Variants in ATXN1 observed in about 807,000 individuals in gnomAD.
ATXN1 encodes ataxin-1.
Under a neutral mutation model 56.4 loss-of-function variants are expected in ATXN1, and 8 were observed. That is an observed-to-expected ratio of 0.14 (90% CI 0.08 to 0.26). The LOEUF (loss-of-function observed/expected upper bound fraction) is 0.26. Ranked by LOEUF, ATXN1 falls within the 10% of genes least tolerant of loss-of-function variation. The pLI is 1.00. For missense variants in ATXN1, 987 were observed against 1,106.5 expected (o/e 0.89, Z 1.53); for synonymous variants, 514 against 494.6 (o/e 1.04, Z -0.52).
At chr6:16,416,915 A>T (rs1238270026) in intron 6 of ATXN1, among the ~76,000 whole-genome samples, 2 of 152,202 alleles carry the variant, frequency 1.3e-5, no homozygotes, top group African/African-American at 4.8e-5. Flanking sequence ...GGCTTTTAAT[A>T]AGTATTTATT....
At chr6:16,407,455 C>G (rs1439807645) in intron 6 of ATXN1, among the ~76,000 whole-genome samples, 3 of 152,168 alleles carry the variant, frequency 2.0e-5, no homozygotes, top group African/African-American at 7.2e-5. Context: ...TAAGGCTGTC[C>G]TAAGGAATAT....
At chr6:16,496,085 A>G (rs986122850) in intron 5 of ATXN1, among the ~76,000 whole-genome samples, 1 of 152,192 alleles carries the variant, frequency 6.6e-6, no homozygotes, top group Non-Finnish European at 1.5e-5. Flanking sequence ...CAACAGATAC[A>G]ACAACTCCAT....
intron 3 of ATXN1, among the ~76,000 whole-genome samples, chr6:16,625,678 T>G (rs1412744755): frequency 6.6e-6 from 1 of 151,976 alleles, no homozygotes; most frequent in Non-Finnish European, 1.5e-5. Context: ...GAGAAACAGA[T>G]GGGGTTCCGT....
intron 6 of ATXN1, among the ~76,000 whole-genome samples, chr6:16,450,511 G>A (rs550480982): frequency 5.6e-4 from 86 of 152,228 alleles, no homozygotes; most frequent in Non-Finnish European, 1.1e-3. Flanking sequence ...GAGAGGGCAG[G>A]GGCTTATTAC....
At chr6:16,521,169 T>C (rs554192934) in intron 5 of ATXN1, among the ~76,000 whole-genome samples, 6 of 152,212 alleles carry the variant, frequency 3.9e-5, no homozygotes, top group African/African-American at 1.2e-4. Flanking sequence ...CACAGTCAAG[T>C]TTACCTTCTG....
chr6:16,561,423 T>C (rs549282211), intron 4 of ATXN1, among the ~76,000 whole-genome samples: 10 of 152,334 alleles, frequency 6.6e-5, no homozygotes, highest in South Asian at 2.1e-4. Context: ...AGTTTTGCTT[T>C]TCTTCATTGG....
Position 16,300,987 on chromosome 6 carries a change from C to T in ATXN1, c.*5342G>A, listed in dbSNP as rs547170365. 3.3e-5 allele frequency: 5 copies of T among 152,328 alleles called. No individual in the cohort carries two copies. Among genetic ancestry groups the T allele is most frequent in the South Asian group, 2.1e-4 (1 of 4,812 alleles). The allele number at this position is 152,328 out of a possible 1,614,324, so 9.4% of individuals were successfully genotyped here. A position where few individuals can be genotyped will look rare whatever the true frequency, so the allele number is the denominator to read the frequency against. ...ATAGGTATAGTTTAAGAGCCTTTTACGTAGTAATTCTTCCAGGCCATAACC... is the reference window on the plus strand; with the variant it reads ...ATAGGTATAGTTTAAGAGCCTTTTATGTAGTAATTCTTCCAGGCCATAACC... On this transcript the variant is annotated 3_prime_UTR_variant, in exon 8 of 8. Transcript: ENST00000436367.
rs1365812685 is a variant in ATXN1, at chr6:16,305,881, A to T, written c.*448T>A. On this transcript the variant is annotated 3_prime_UTR_variant, in exon 8 of 8. Transcript: ENST00000436367. ...GGCCCATGCCGATAGCAAGAGAGTGAGGCAGAGGGAGGCAGAGAAAAAGAG... is the reference window on the plus strand; with the variant it reads ...GGCCCATGCCGATAGCAAGAGAGTGTGGCAGAGGGAGGCAGAGAAAAAGAG... 1.3e-5 allele frequency: 2 copies of T among 158,144 alleles called. No individual in the cohort carries two copies. Among genetic ancestry groups the T allele is most frequent in the African/African-American group, 2.4e-5 (1 of 41,486 alleles). The allele number at this position is 158,144 out of a possible 1,614,324, so 9.8% of individuals were successfully genotyped here.
intron 3 of ATXN1, among the ~76,000 whole-genome samples, chr6:16,603,501 AAC>A (rs1447648070): frequency 6.6e-6 from 1 of 152,166 alleles, no homozygotes; most frequent in East Asian, 1.9e-4. Context: ...CCTCATTGAA[AAC>A]ACAGTTCCAT....
intron 6 of ATXN1, among the ~76,000 whole-genome samples, chr6:16,475,131 G>C (rs904993496): frequency 6.6e-6 from 1 of 152,062 alleles, no homozygotes; most frequent in East Asian, 1.9e-4. Flanking sequence ...CTTTCAGTTT[G>C]ACTAATACTA....
chr6:16,409,346 A>T lies in ATXN1; in HGVS notation c.-161+76626T>A, dbSNP rs145143774. On this transcript the variant is annotated intron_variant, in intron 6 of 7. Coordinates refer to ENST00000436367, the MANE Select transcript of ATXN1 (RefSeq NM_001128164.2). ...AGTTGTTATGAGCACCAACATTTTA[A>T]GTCTAATTAAAAATTTGACTTGCTG... is the stretch of plus-strand genomic sequence containing the variant. Among the ~76,000 whole-genome samples the T allele has an allele frequency of 2.4e-3, 362 of 152,160 alleles. 1 individual carries two copies. The highest frequency in any genetic ancestry group is 6.8e-3 in the Middle Eastern group (2 of 292).
chr6:16,589,590 G>A (rs891755565), intron 3 of ATXN1, among the ~76,000 whole-genome samples: 2 of 152,002 alleles, frequency 1.3e-5, no homozygotes, highest in Non-Finnish European at 2.9e-5. Context: ...TCTGTGAAAC[G>A]GGCTAATAAC....
chr6:16,320,508 A>G (rs770523799), intron 7 of ATXN1, among the ~76,000 whole-genome samples: 1 of 152,144 alleles, frequency 6.6e-6, no homozygotes, highest in Non-Finnish European at 1.5e-5. Flanking sequence ...ACATTTTACA[A>G]CTCCACTGAG....
At chr6:16,436,220 A>C (rs989397801) in intron 6 of ATXN1, among the ~76,000 whole-genome samples, 1 of 152,106 alleles carries the variant, frequency 6.6e-6, no homozygotes, top group Non-Finnish European at 1.5e-5. Context: ...CTTAACATGT[A>C]AGCCACTTAG....
chr6:16,343,707 A>T (rs1761309506), intron 6 of ATXN1, among the ~76,000 whole-genome samples: 1 of 152,126 alleles, frequency 6.6e-6, no homozygotes, highest in Non-Finnish European at 1.5e-5. Context: ...CCACCCTCTG[A>T]ATCAGGGACT....
chr6:16,563,681 G>A (rs1368731027), intron 4 of ATXN1, among the ~76,000 whole-genome samples: 1 of 152,062 alleles, frequency 6.6e-6, no homozygotes, highest in Non-Finnish European at 1.5e-5. Context: ...ACAGGTCCGG[G>A]GTGTGGCAGT....
intron 4 of ATXN1, among the ~76,000 whole-genome samples, chr6:16,578,096 A>C (rs1762458264): frequency 6.6e-6 from 1 of 152,020 alleles, no homozygotes; most frequent in Non-Finnish European, 1.5e-5. Flanking sequence ...ATAATAGTAG[A>C]CTCTATAAAT....
intron 6 of ATXN1, among the ~76,000 whole-genome samples, chr6:16,482,835 A>G (rs536198820): frequency 3.3e-4 from 50 of 152,342 alleles, no homozygotes; most frequent in African/African-American, 1.2e-3. Context: ...AATGTTTTAA[A>G]AACAGTTGTA....
intron 4 of ATXN1, among the ~76,000 whole-genome samples, chr6:16,571,964 C>T (rs1165248896): frequency 6.6e-6 from 1 of 152,142 alleles, no homozygotes; most frequent in African/African-American, 2.4e-5. Flanking sequence ...CGTTCAGCCT[C>T]TTTCTAAATT....
Sources: allele counts gnomAD v4.1 joint callset (sites outside exome capture counted in the v4.1 genomes callset), GRCh38; gene constraint gnomAD v4.1.1; transcripts MANE v1.5; gene names NCBI Gene and HGNC (gene_info 2026-07-23, HGNC 2026-07-21).